The following LYST variants were observed in gnomAD, a reference collection of about 807,000 sequenced individuals.
The protein encoded by LYST is lysosomal-trafficking regulator.
In LYST, 192 loss-of-function variants were observed where a neutral mutation model predicts 413.6. The ratio of observed to expected loss-of-function variants is 0.46; its 90% confidence interval spans 0.41 to 0.52. LYST has a LOEUF of 0.52. Ranked by LOEUF, LYST falls within the 20% of genes least tolerant of loss-of-function variation. LYST has a pLI of 0.00. For missense variants in LYST, 3,815 were observed against 4,499.9 expected, an observed-to-expected ratio of 0.85 and a Z score of 4.35; for synonymous variants, 1,525 against 1,567.3, an observed-to-expected ratio of 0.97 and a Z score of 0.64.
At chr1:235,741,340 A>C in intron 31 of LYST, 82 bp downstream of exon 31, 2 of 1,148,908 alleles carry the variant, frequency 1.7e-6, no homozygotes, top group Non-Finnish European at 2.6e-6. Flanking sequence ...ATGAACATTC[A>C]GTTTAATTTC....
At position 235,806,636 on chromosome 1, in the gene LYST, C is replaced by T. The variant is rs1485660976; in HGVS notation, c.2500G>A (p.Ala834Thr). 2 of 1,614,020 alleles carry T rather than the reference C, an allele frequency of 1.2e-6. No individual in the cohort carries two copies. Among genetic ancestry groups the T allele is most frequent in the South Asian group, 1.1e-5 (1 of 91,076 alleles). The change falls in exon 6 of 53, where the codon GCC becomes ACC. Residue 834 changes from alanine to threonine, a missense_variant. By Grantham distance (58) the Ala-to-Thr change is moderately conservative (BLOSUM62 0). Transcript: ENST00000389793. ...IISLGEQQKDASVPDIDGIDI... is the reference protein window; with the variant it reads ...IISLGEQQKDTSVPDIDGIDI... ...ATCCCATCAATATCTGGAACTGAGG[C>T]ATCTTTCTGTTGCTCCCCTAGGCTG...
intron 21 of LYST, among the ~76,000 whole-genome samples, chr1:235,765,318 C>G (rs1216638230): frequency 6.6e-6 from 1 of 152,130 alleles, no homozygotes; most frequent in East Asian, 1.9e-4. Flanking sequence ...TTACTATGCC[C>G]AGATTCTGTT....
At chr1:235,711,648 G>A (rs1323125466) in intron 43 of LYST, among the ~76,000 whole-genome samples, 1 of 152,076 alleles carries the variant, frequency 6.6e-6, no homozygotes, top group Non-Finnish European at 1.5e-5. Flanking sequence ...TCTGGGCAGA[G>A]TATTTTATTT....
chr1:235,773,365 G>A (rs962019475), intron 19 of LYST, among the ~76,000 whole-genome samples: 11 of 151,820 alleles, frequency 7.2e-5, no homozygotes, highest in Non-Finnish European at 1.5e-4. Flanking sequence ...ACGAGTATAT[G>A]CTTCTATTCA....
chr1:235,882,420 G>A (rs1427891177), intron 1 of LYST, among the ~76,000 whole-genome samples: 2 of 152,186 alleles, frequency 1.3e-5, no homozygotes, highest in Non-Finnish European at 2.9e-5. Context: ...TAGGTACTGG[G>A]CAGCTACTGG....
chr1:235,698,594 G>A (rs991957167), intron 45 of LYST, among the ~76,000 whole-genome samples: 11 of 152,114 alleles, frequency 7.2e-5, no homozygotes, highest in African/African-American at 1.4e-4. Flanking sequence ...GAGAAAGGCC[G>A]GGCGCGGTGG....
At chr1:235,710,658 C>T (rs544494752) in intron 43 of LYST, among the ~76,000 whole-genome samples, 1 of 152,298 alleles carries the variant, frequency 6.6e-6, no homozygotes, top group East Asian at 1.9e-4. Flanking sequence ...TGCTACTCTC[C>T]ATCACAAGGC....
chr1:235,806,648 G>C lies in LYST; in HGVS notation c.2488C>G (p.Gln830Glu). ...TCTGGAACTGAGGCATCTTTCTGTT[G>C]CTCCCCTAGGCTGATTATCAGAGTT... ...FETLIISLGE[Q>E]QKDASVPDID... is the part of the protein sequence containing the mutation. Residue 830 changes from glutamine (Q) to glutamate (E), a missense_variant, in exon 6 of 53, where the codon CAA becomes GAA. Around this residue, in one of 4 missense-constraint regions of LYST, gnomAD observed 1,648 missense variants for 1,810.3 expected, o/e 0.91. Coordinates refer to ENST00000389793, the MANE Select transcript of LYST (RefSeq NM_000081.4). The C allele has an allele frequency of 2.5e-6, 4 of 1,613,876 alleles. No homozygotes were observed. The highest frequency in any genetic ancestry group is 3.4e-6 in the Non-Finnish European group (4 of 1,179,814).
At chr1:235,720,568 T>C in intron 40 of LYST, 93 bp downstream of exon 40, 2 of 1,214,162 alleles carry the variant, frequency 1.6e-6, no homozygotes, top group South Asian at 1.2e-5. Context: ...TTCTATTTTG[T>C]GCATGTTTGA....
At chr1:235,704,076 G>A (rs1222435461) in intron 44 of LYST, among the ~76,000 whole-genome samples, 1 of 152,154 alleles carries the variant, frequency 6.6e-6, no homozygotes, top group African/African-American at 2.4e-5. Context: ...TTCCAACAAA[G>A]GACATGATCT....
At chr1:235,841,986 C>A (rs1411646190) in intron 1 of LYST, among the ~76,000 whole-genome samples, 3 of 152,042 alleles carry the variant, frequency 2.0e-5, no homozygotes, top group African/African-American at 7.2e-5. Context: ...ACTAGCTTAG[C>A]AGAGGTGGAA....
At chr1:235,779,888 C>T (rs967792895) in intron 16 of LYST, among the ~76,000 whole-genome samples, 3 of 152,076 alleles carry the variant, frequency 2.0e-5, no homozygotes, top group African/African-American at 4.8e-5. Flanking sequence ...GAAAGAGGAA[C>T]CCAGTTTCAT....
intron 30 of LYST, 147 bp from the exon 31 acceptor site, chr1:235,741,775 C>A: frequency 1.5e-6 from 1 of 685,672 alleles, no homozygotes; most frequent in Non-Finnish European, 2.6e-6. Context: ...ATATACATAT[C>A]CATACACATA....
At chr1:235,879,051 G>C (rs879226317) in intron 1 of LYST, among the ~76,000 whole-genome samples, 1 of 152,096 alleles carries the variant, frequency 6.6e-6, no homozygotes, top group Admixed American at 6.6e-5. Flanking sequence ...CTATAGCCCT[G>C]TCTGGAGTTC....
intron 14 of LYST, among the ~76,000 whole-genome samples, chr1:235,786,684 T>G (rs979044156): frequency 6.6e-6 from 1 of 151,586 alleles, no homozygotes; most frequent in Non-Finnish European, 1.5e-5. Context: ...ATTAAGAAAA[T>G]GTGGCACATA....
At chr1:235,718,325 C>T (rs1031378810) in intron 40 of LYST, among the ~76,000 whole-genome samples, 2 of 151,968 alleles carry the variant, frequency 1.3e-5, no homozygotes, top group African/African-American at 4.8e-5. Flanking sequence ...TCTATACACA[C>T]CCAGATGTTT....
rs149578375 is a variant in LYST, at chr1:235,788,222, C to T, written c.4688+479G>A. Among the ~76,000 whole-genome samples the T allele has an allele frequency of 3.1e-4, 47 of 152,172 alleles. 1 individual carries two copies. The East Asian group carries it at 8.1e-3, about 26-fold the overall frequency. On this transcript the variant is annotated intron_variant, in intron 13 of 52. Transcript: ENST00000389793. ...TCACCCAGACTGGAGTGCAGTGGCG[C>T]GATCTGGGATCACTACAACCTCTGC...
At position 235,808,875 on chromosome 1, in the gene LYST, GC is replaced by G; in HGVS notation, c.1942del (p.Ala648ProfsTer3). ...TCCCTGCAGTGTCTCTTCTAATTGG[GC>G]TAGTTGGTCAGAGTCAACAGTACAA... ...NICTVDSDQL[A>X]QLEETLQGNL... On this transcript the variant is annotated frameshift_variant, in exon 5 of 53. Transcript: ENST00000389793. LOFTEE classifies it high-confidence loss of function. 6.2e-7 allele frequency: 1 copy of G among 1,613,880 alleles called. No individual in the cohort carries two copies. Among genetic ancestry groups the G allele is most frequent in the Non-Finnish European group, 8.5e-7 (1 of 1,179,910 alleles).
rs760538931 is a variant in LYST, at chr1:235,746,524, G to A, written c.7784C>T (p.Pro2595Leu). Residue 2595 changes from proline (P) to leucine (L), a missense_variant, in exon 29 of 53, where the codon CCT becomes CTT. Pro to Leu is a moderately conservative substitution (Grantham distance 98). Transcript: ENST00000389793. ...AGTTTGAGCAAGGGGAAATTTTCGAGGACCTTTAAAAGTATATAAATTAAA... is the reference window on the plus strand; with the variant it reads ...AGTTTGAGCAAGGGGAAATTTTCGAAGACCTTTAAAAGTATATAAATTAAA... The part of the protein sequence containing the change: ...VVQKRKSIAG[P>L]RKFPLAQTES... 6.2e-7 allele frequency: 1 copy of A among 1,610,598 alleles called. No individual in the cohort carries two copies.
Sources: allele counts gnomAD v4.1 joint callset (sites outside exome capture counted in the v4.1 genomes callset), GRCh38; gene constraint gnomAD v4.1.1; regional missense constraint gnomAD v4.1.1; transcripts MANE v1.5; gene names NCBI Gene and HGNC (gene_info 2026-07-23, HGNC 2026-07-21).